Variants in SDK1 observed in about 807,000 individuals in gnomAD.
The protein encoded by SDK1 is sidekick cell adhesion molecule 1, also known as protein sidekick-1.
In SDK1, 157 loss-of-function variants were observed where a neutral mutation model predicts 245.5. The ratio of observed to expected loss-of-function variants is 0.64; its 90% CI spans 0.56 to 0.73. The LOEUF is 0.73. Among genes scored for constraint, SDK1 ranks in the 30% least tolerant of loss-of-function variants. SDK1 has a pLI of 0.00. For missense variants in SDK1, 3,583 were observed against 3,002.3 expected, an observed-to-expected ratio of 1.19 and a Z score of -4.52; for synonymous variants, 1,647 against 1,278.5, an observed-to-expected ratio of 1.29 and a Z score of -6.15.
chr7:3,381,498 G>T (rs1001730831), intron 1 of SDK1, among the ~76,000 whole-genome samples: 2 of 152,160 alleles, frequency 1.3e-5, no homozygotes, highest in Non-Finnish European at 2.9e-5. Flanking sequence ...GAGGGGGCGG[G>T]GAAGGGGGAG....
Position 4,218,636 on chromosome 7 carries a change from G to C in SDK1, c.5540-1473G>C, listed in dbSNP as rs545592279. Reference sequence around the variant, plus strand: ...GGTATTCCAGGTGCTGACTAGCAGCGCACGACCCTCCCGCACCAAGGCAGC... The same window carrying C: ...GGTATTCCAGGTGCTGACTAGCAGCCCACGACCCTCCCGCACCAAGGCAGC... On this transcript the variant is annotated intron_variant, in intron 38 of 44. Transcript: ENST00000404826. Among the ~76,000 whole-genome samples the C allele has an allele frequency of 6.9e-4, 105 of 152,242 alleles. 1 individual carries two copies. The highest frequency in any genetic ancestry group is 2.3e-3 in the African/African-American group (96 of 41,544).
chr7:4,032,059 A>C (rs530030697), intron 17 of SDK1, among the ~76,000 whole-genome samples: 96 of 151,840 alleles, frequency 6.3e-4, no homozygotes, highest in Middle Eastern at 3.4e-3. Context: ...ATAGATAGAT[A>C]GATCGATCGA....
chr7:3,650,273 G>T (rs1051537606), intron 4 of SDK1, among the ~76,000 whole-genome samples: 1 of 152,234 alleles, frequency 6.6e-6, no homozygotes, highest in East Asian at 1.9e-4. Context: ...TCCATTCACA[G>T]TGTTGTGCAA....
At chr7:4,181,757 G>GCA (rs10643716) in intron 35 of SDK1, among the ~76,000 whole-genome samples, 3,718 of 152,168 alleles carry the variant, frequency 0.024, 158 homozygotes, top group African/African-American at 0.083. Context: ...CCTTTTCCAT[G>GCA]CACACACACA....
At chr7:4,186,480 G>A (rs1782901805) in intron 35 of SDK1, among the ~76,000 whole-genome samples, 1 of 152,192 alleles carries the variant, frequency 6.6e-6, no homozygotes, top group African/African-American at 2.4e-5. Flanking sequence ...CACATAGGCC[G>A]CCTCCTTGGA....
chr7:3,333,454 TG>T (rs1458823120), intron 1 of SDK1, among the ~76,000 whole-genome samples: 1 of 152,196 alleles, frequency 6.6e-6, no homozygotes, highest in East Asian at 1.9e-4. Context: ...GCTTATCTTT[TG>T]TTCTGTCTTG....
At position 3,730,693 on chromosome 7, in the gene SDK1, A is replaced by G. The variant is rs1047161868; in HGVS notation, c.713+88588A>G. ...TAGATCAGTTTTCCTTACACACAAT[A>G]TTAACGTTCATATTCCTTCCAGGAA... On this transcript the variant is annotated intron_variant, in intron 4 of 44. Coordinates refer to ENST00000404826, the MANE Select transcript of SDK1 (RefSeq NM_152744.4). 6.6e-5 allele frequency among the ~76,000 whole-genome samples: 10 copies of G among 152,278 alleles called. No homozygotes were observed. The South Asian group carries it at 2.1e-3, about 32-fold the overall frequency.
rs1779389629 is a variant in SDK1, at chr7:4,139,607, G to GTGTGTATA, written c.4229-6109_4229-6102dup. ...TATGTGTGTGTATATGTATATATGT[G>GTGTGTATA]TGTGTATATGTGTGTGTGTATATGT... On this transcript the variant is annotated intron_variant, in intron 28 of 44. Coordinates refer to ENST00000404826, the MANE Select transcript of SDK1 (RefSeq NM_152744.4). Among the ~76,000 whole-genome samples the GTGTGTATA allele has an allele frequency of 4.3e-5, 3 of 69,066 alleles. 1 individual carries two copies. The highest frequency in any genetic ancestry group is 3.1e-4 in the Admixed American group (2 of 6,350). The allele number at this position is 69,066 out of a possible 152,430, so 45.3% of individuals were successfully genotyped here.
intron 35 of SDK1, among the ~76,000 whole-genome samples, chr7:4,189,264 G>A (rs971450010): frequency 1.0e-4 from 15 of 150,682 alleles, no homozygotes; most frequent in African/African-American, 2.7e-4. Flanking sequence ...GTTTTATTGC[G>A]GCGGTTGCTG....
intron 13 of SDK1, among the ~76,000 whole-genome samples, chr7:3,978,987 G>A (rs1416941326): frequency 2.0e-5 from 3 of 152,200 alleles, no homozygotes; most frequent in Non-Finnish European, 4.4e-5. Context: ...TTAGCACTAA[G>A]CTTCACCTCA....
intron 1 of SDK1, among the ~76,000 whole-genome samples, chr7:3,599,914 C>G (rs13223852): frequency 0.22 from 33,870 of 152,148 alleles, 4,028 homozygotes; most frequent in South Asian, 0.31. Flanking sequence ...AGATATTCTA[C>G]TTCCTTTTTT....
chr7:4,137,746 G>A (rs1025000576), intron 28 of SDK1, among the ~76,000 whole-genome samples: 2 of 152,142 alleles, frequency 1.3e-5, no homozygotes, highest in East Asian at 1.9e-4. Context: ...CCTCGCACAC[G>A]CCGCCGTCTT....
At chr7:3,517,961 G>T (rs1782804928) in intron 1 of SDK1, among the ~76,000 whole-genome samples, 1 of 152,002 alleles carries the variant, frequency 6.6e-6, no homozygotes, top group Admixed American at 6.6e-5. Flanking sequence ...TTTTGTGTTT[G>T]TTTTTGTGAC....
At chr7:3,907,344 T>G (rs1190143469) in intron 5 of SDK1, among the ~76,000 whole-genome samples, 1 of 152,248 alleles carries the variant, frequency 6.6e-6, no homozygotes, top group African/African-American at 2.4e-5. Context: ...TCTGTGAATT[T>G]GCATATTCGA....
chr7:3,542,422 C>A (rs1423318430), intron 1 of SDK1, among the ~76,000 whole-genome samples: 1 of 152,154 alleles, frequency 6.6e-6, no homozygotes, highest in African/African-American at 2.4e-5. Flanking sequence ...CTGGTGTGGC[C>A]TTTTCTCCCA....
At chr7:3,894,141 G>A (rs1201269219) in intron 5 of SDK1, among the ~76,000 whole-genome samples, 1 of 152,096 alleles carries the variant, frequency 6.6e-6, no homozygotes, top group African/African-American at 2.4e-5. Flanking sequence ...GTTGCAGTTG[G>A]ACCAGTTTTA....
intron 4 of SDK1, among the ~76,000 whole-genome samples, chr7:3,682,912 T>C (rs6462226): frequency 0.83 from 126,031 of 151,928 alleles, 52,434 homozygotes; most frequent in Non-Finnish European, 0.86. Context: ...TTTTGTACTT[T>C]TAGTAGAGAC....
chr7:3,756,648 C>T (rs1247835556), intron 4 of SDK1, among the ~76,000 whole-genome samples: 1 of 151,940 alleles, frequency 6.6e-6, no homozygotes. Flanking sequence ...TATCTAAGAC[C>T]TTGTGCGTGT....
rs149415745 is a variant in SDK1, at chr7:3,577,543, C to T, written c.299-41537C>T. On this transcript the variant is annotated intron_variant, in intron 1 of 44. Coordinates refer to ENST00000404826, the MANE Select transcript of SDK1 (RefSeq NM_152744.4). ...GTTTGTGCCTCCACCTCAAGGGTAA[C>T]CTTCTGTGCAGTAGGTCCATGATGG... Among the ~76,000 whole-genome samples, 267 of 152,090 alleles carry T rather than the reference C, an allele frequency of 1.8e-3. 2 individuals are homozygous for T. Among genetic ancestry groups the T allele is most frequent in the African/African-American group, 5.7e-3 (235 of 41,548 alleles).
Sources: gnomAD v4.1 joint callset for allele counts (sites outside exome capture counted in the v4.1 genomes callset) on GRCh38, gnomAD v4.1.1 for gene constraint, MANE v1.5 for transcripts, NCBI Gene and HGNC (gene_info 2026-07-23, HGNC 2026-07-21) for gene names.